ADAMTS3: variants seen among roughly 807,000 people sequenced by gnomAD.
ADAMTS3 encodes the protein ADAM metallopeptidase with thrombospondin type 1 motif 3.
A neutral mutation model predicts 129.0 loss-of-function variants in ADAMTS3; 73 were observed. That is an observed-to-expected ratio of 0.57 (90% CI 0.47 to 0.69). ADAMTS3 has a LOEUF of 0.69. Ranked by LOEUF, ADAMTS3 falls within the 30% of genes least tolerant of loss-of-function variation. ADAMTS3 has a pLI of 0.00. For synonymous variants in ADAMTS3, 477 were observed against 510.8 expected (o/e 0.93, Z 0.89); for missense variants, 1,457 against 1,514.5 (o/e 0.96, Z 0.63).
chr4:72,509,476 C>T (rs35644772), intron 3 of ADAMTS3, among the ~76,000 whole-genome samples: 51,863 of 151,548 alleles, frequency 0.34, 9,623 homozygotes, highest in South Asian at 0.55. Context: ...TCATTAATGG[C>T]TGCCATGAGC....
intron 3 of ADAMTS3, among the ~76,000 whole-genome samples, chr4:72,501,203 C>G (rs1450859202): frequency 1.3e-5 from 2 of 152,094 alleles, no homozygotes; most frequent in African/African-American, 4.8e-5. Context: ...TTGCTTTGGA[C>G]AGTATGGCCA....
chr4:72,487,899 G>A (rs1450675667), intron 3 of ADAMTS3, among the ~76,000 whole-genome samples: 2 of 151,898 alleles, frequency 1.3e-5, no homozygotes, highest in African/African-American at 4.8e-5. Context: ...TATAAGGCTT[G>A]ACTTAAGAGA....
rs1277763184 is a variant in ADAMTS3 at position 72,377,274 on chromosome 4, C to T, written c.661+37541G>A. ...GGATGGAATTGTTGCTAGCTCCTCA[C>T]AAACATCTACCCAAATCTTTCCAAT... On this transcript the variant is annotated intron_variant, in intron 4 of 21. Coordinates refer to ENST00000286657, the MANE Select transcript of ADAMTS3 (RefSeq NM_014243.3). Among the ~76,000 whole-genome samples, 11 of 152,132 alleles carry T rather than the reference C, an allele frequency of 7.2e-5. 1 individual carries two copies. The highest frequency in any genetic ancestry group is 1.5e-4 in the Non-Finnish European group (10 of 68,018).
chr4:72,421,607 G>T (rs1013963410), intron 3 of ADAMTS3, among the ~76,000 whole-genome samples: 1 of 152,280 alleles, frequency 6.6e-6, no homozygotes, highest in East Asian at 1.9e-4. Flanking sequence ...TGAAGAAGAC[G>T]CAGAGAATGA....
intron 13 of ADAMTS3, among the ~76,000 whole-genome samples, chr4:72,311,938 T>C (rs771894398): frequency 3.3e-5 from 5 of 152,152 alleles, no homozygotes; most frequent in Non-Finnish European, 5.9e-5. Context: ...CAAAGAACTA[T>C]ATTTTTCTCT....
chr4:72,285,769 CAAAA>C (rs5859311), intron 21 of ADAMTS3, among the ~76,000 whole-genome samples: 113 of 93,684 alleles, frequency 1.2e-3, no homozygotes, highest in African/African-American at 4.2e-3. Flanking sequence ...AGCTTACAGG[CAAAA>C]AAAAAAAAAA....
intron 4 of ADAMTS3, among the ~76,000 whole-genome samples, chr4:72,363,940 TGAA>T (rs1388461668): frequency 1.3e-5 from 2 of 152,032 alleles, no homozygotes; most frequent in East Asian, 1.9e-4. Context: ...ATGATGATGA[TGAA>T]GAACAATGTA....
rs935289826 is a variant in ADAMTS3, at chr4:72,398,871, T to C, written c.661+15944A>G. Reference sequence around the variant, plus strand: ...CCCTACCCTCCAACAGTGAAAAGAATACAGCCCGGAGACTTCATTACACAG... The same window carrying C: ...CCCTACCCTCCAACAGTGAAAAGAACACAGCCCGGAGACTTCATTACACAG... On this transcript the variant is annotated intron_variant, in intron 4 of 21. Coordinates refer to ENST00000286657, the MANE Select transcript of ADAMTS3 (RefSeq NM_014243.3). Among the ~76,000 whole-genome samples, 14 of 152,278 alleles carry C rather than the reference T, an allele frequency of 9.2e-5. No homozygotes were observed. In the East Asian group the frequency reaches 2.7e-3, roughly 29 times the overall value.
chr4:72,379,921 T>C (rs1440922703), intron 4 of ADAMTS3, among the ~76,000 whole-genome samples: 1 of 152,156 alleles, frequency 6.6e-6, no homozygotes, highest in Non-Finnish European at 1.5e-5. Flanking sequence ...ACCATTGTGT[T>C]TACCAGCTCA....
At chr4:72,556,467 C>T (rs924242805) in intron 2 of ADAMTS3, among the ~76,000 whole-genome samples, 1 of 151,720 alleles carries the variant, frequency 6.6e-6, no homozygotes, top group Non-Finnish European at 1.5e-5. Flanking sequence ...ATTGCAATGA[C>T]TTTGAGCGAC....
chr4:72,444,806 C>G (rs1718209662), intron 3 of ADAMTS3, among the ~76,000 whole-genome samples: 1 of 151,660 alleles, frequency 6.6e-6, no homozygotes, highest in African/African-American at 2.4e-5. Flanking sequence ...CATTGTCTGT[C>G]AACTGAAGAA....
At chr4:72,290,680 C>T (rs537712443) in intron 20 of ADAMTS3, among the ~76,000 whole-genome samples, 175 bp downstream of exon 20, 1 of 152,186 alleles carries the variant, frequency 6.6e-6, no homozygotes, top group East Asian at 1.9e-4. Context: ...ATGGTTTGCC[C>T]CTAACATGTA....
At position 72,530,227 on chromosome 4, in the gene ADAMTS3, TTA is replaced by T. The variant is rs1402048004; in HGVS notation, c.504+18249_504+18250del. Among the ~76,000 whole-genome samples the T allele has an allele frequency of 7.3e-3, 529 of 72,710 alleles. 2 individuals carry two copies. Among genetic ancestry groups the T allele is most frequent in the Non-Finnish European group, 0.011 (459 of 42,380 alleles). 47.7% of individuals were successfully genotyped at this position (72,710 alleles called of 152,430 possible). A position where few individuals can be genotyped will look rare whatever the true frequency, so the allele number is the denominator to read the frequency against. ...CATATGTTATTTTAATATATATATA[TTA>T]TATATATTAAATATATATAATATAT... On this transcript the variant is annotated intron_variant, in intron 3 of 21. Transcript: ENST00000286657.
intron 4 of ADAMTS3, among the ~76,000 whole-genome samples, chr4:72,385,640 T>A (rs4694482): frequency 0.98 from 149,094 of 152,232 alleles, 73,074 homozygotes; most frequent in Non-Finnish European, 1. Context: ...TAGCATGTAT[T>A]AAGCAAGCAT....
At chr4:72,297,747 T>C (rs574063030) in intron 18 of ADAMTS3, among the ~76,000 whole-genome samples, 29 of 152,142 alleles carry the variant, frequency 1.9e-4, no homozygotes, top group Non-Finnish European at 3.7e-4. Context: ...TCAGTTTTGC[T>C]ACCACTTTAA....
At chr4:72,549,413 C>A (rs1447364212) in intron 2 of ADAMTS3, among the ~76,000 whole-genome samples, 1 of 152,076 alleles carries the variant, frequency 6.6e-6, no homozygotes, top group Non-Finnish European at 1.5e-5. Flanking sequence ...ATTTTTTCCA[C>A]CATAACAACC....
intron 2 of ADAMTS3, among the ~76,000 whole-genome samples, chr4:72,561,804 C>T (rs1721911217): frequency 1.3e-5 from 2 of 152,166 alleles, no homozygotes; most frequent in Non-Finnish European, 2.9e-5. Context: ...TCATGCTGCT[C>T]ACAATTTGTT....
intron 4 of ADAMTS3, among the ~76,000 whole-genome samples, chr4:72,411,111 C>T (rs964795333): frequency 5.3e-5 from 8 of 152,074 alleles, no homozygotes; most frequent in African/African-American, 1.7e-4. Flanking sequence ...TTTTAAACAA[C>T]TCTTCATATG....
At chr4:72,541,561 C>T (rs187078458) in intron 3 of ADAMTS3, among the ~76,000 whole-genome samples, 122 of 152,322 alleles carry the variant, frequency 8.0e-4, no homozygotes, top group Middle Eastern at 3.4e-3. Context: ...TGTGTCCCCA[C>T]CCAAATCTCA....
Sources: allele counts gnomAD v4.1 joint callset (sites outside exome capture counted in the v4.1 genomes callset), GRCh38; gene constraint gnomAD v4.1.1; transcripts MANE v1.5; gene names NCBI Gene and HGNC (gene_info 2026-07-23, HGNC 2026-07-21).